The following PARD3B variants were observed in gnomAD, a reference collection of about 807,000 sequenced individuals.
PARD3B encodes par-3 family cell polarity regulator beta.
PARD3B carries 103 observed loss-of-function variants against 130.2 expected under a neutral mutation model. The ratio of observed to expected loss-of-function variants is 0.79; its 90% CI spans 0.67 to 0.93. The LOEUF (loss-of-function observed/expected upper bound fraction) is 0.93, where lower values mean the gene tolerates loss of function less well. Among genes scored for constraint, PARD3B ranks in the 40% least tolerant of loss-of-function variants. PARD3B has a pLI of 0.00. For synonymous variants in PARD3B, 583 were observed against 553.2 expected, an observed-to-expected ratio of 1.05 and a Z score of -0.76; for missense variants, 1,609 against 1,499.2, an observed-to-expected ratio of 1.07 and a Z score of -1.21.
At chr2:205,046,105 C>T (rs1424286232) in intron 3 of PARD3B, among the ~76,000 whole-genome samples, 1 of 151,940 alleles carries the variant, frequency 6.6e-6, no homozygotes, top group Non-Finnish European at 1.5e-5. Context: ...CTGACTTGTT[C>T]ATTTCATGTT....
rs181253408 is a variant in PARD3B, at chr2:204,954,860, A to G, written c.223-10292A>G. Reference sequence around the variant, plus strand: ...GATATAGTAAGATACTGTTTTTTCTATCAACCTATCAGTTCTTTATTTGTC... The same window carrying G: ...GATATAGTAAGATACTGTTTTTTCTGTCAACCTATCAGTTCTTTATTTGTC... On this transcript the variant is annotated intron_variant, in intron 2 of 22. Coordinates refer to ENST00000406610, the MANE Select transcript of PARD3B (RefSeq NM_001302769.2). 1.5e-4 allele frequency among the ~76,000 whole-genome samples: 23 copies of G among 152,354 alleles called. 1 individual carries two copies. The highest frequency in any genetic ancestry group is 7.2e-4 in the Admixed American group (11 of 15,302).
intron 18 of PARD3B, among the ~76,000 whole-genome samples, chr2:205,314,067 C>T (rs1039763418): frequency 2.1e-4 from 32 of 152,004 alleles, no homozygotes; most frequent in African/African-American, 5.6e-4. Flanking sequence ...TACATTGTTC[C>T]GTGTCCAGGT....
intron 2 of PARD3B, among the ~76,000 whole-genome samples, chr2:204,950,513 A>G (rs1343076706): frequency 6.6e-6 from 1 of 152,258 alleles, no homozygotes; most frequent in South Asian, 2.1e-4. Context: ...GGAGGAGGCC[A>G]GTGCTGAAAA....
At position 204,887,733 on chromosome 2, in the gene PARD3B, G is replaced by A. The variant is rs2046311944; in HGVS notation, c.223-77419G>A. Reference sequence around the variant, plus strand: ...TCACATCCCTTCCCTCAAGCAGAATGCAAGGTAACTGGAGACATAAAATGA... The same window carrying A: ...TCACATCCCTTCCCTCAAGCAGAATACAAGGTAACTGGAGACATAAAATGA... On this transcript the variant is annotated intron_variant, in intron 2 of 22. Transcript: ENST00000406610. The surrounding 1 kb of genome is among the most constrained non-coding windows in gnomAD (Gnocchi z 4.2). 6.6e-6 allele frequency among the ~76,000 whole-genome samples: 1 copy of A among 151,992 alleles called. No individual in the cohort carries two copies. Among genetic ancestry groups the A allele is most frequent in the African/African-American group, 2.4e-5 (1 of 41,368 alleles).
intron 2 of PARD3B, among the ~76,000 whole-genome samples, chr2:204,930,729 C>T (rs1253563024): frequency 2.0e-5 from 3 of 152,050 alleles, no homozygotes. Context: ...CTATATTCAT[C>T]TTTTTCTGAA....
intron 2 of PARD3B, among the ~76,000 whole-genome samples, chr2:204,765,276 GA>G (rs1197539663): frequency 6.6e-6 from 1 of 152,192 alleles, no homozygotes; most frequent in Non-Finnish European, 1.5e-5. Context: ...AAGACCTGCT[GA>G]ATCAGAAAGC....
intron 6 of PARD3B, among the ~76,000 whole-genome samples, chr2:205,117,580 T>TTTATGAG (rs1261470186): frequency 6.6e-6 from 1 of 152,234 alleles, no homozygotes; most frequent in Non-Finnish European, 1.5e-5. Context: ...ACCCTGTTAT[T>TTTATGAG]TACACATAAA....
intron 22 of PARD3B, among the ~76,000 whole-genome samples, chr2:205,600,694 C>G (rs1421502516): frequency 1.3e-5 from 2 of 152,136 alleles, no homozygotes; most frequent in Non-Finnish European, 2.9e-5. Context: ...GTGTTGTTCC[C>G]CTCTCTGTAT....
intron 2 of PARD3B, among the ~76,000 whole-genome samples, chr2:204,902,347 G>C (rs544265406): frequency 2.3e-4 from 35 of 151,914 alleles, no homozygotes; most frequent in African/African-American, 7.5e-4. Flanking sequence ...GATCGCTTCT[G>C]AATAGCTAGA....
At chr2:204,569,300 G>A (rs1193900947) in intron 1 of PARD3B, among the ~76,000 whole-genome samples, 2 of 152,060 alleles carry the variant, frequency 1.3e-5, no homozygotes, top group African/African-American at 2.4e-5. Context: ...TTTACAATAT[G>A]ACATCTTTTT....
chr2:205,363,199 A>C (rs945164273), intron 18 of PARD3B, among the ~76,000 whole-genome samples: 10 of 152,214 alleles, frequency 6.6e-5, no homozygotes, highest in Non-Finnish European at 1.3e-4. Flanking sequence ...ATGGGGCCCC[A>C]GAGACTAAGA....
chr2:204,921,289 G>T (rs2125751335), intron 2 of PARD3B, among the ~76,000 whole-genome samples: 1 of 152,266 alleles, frequency 6.6e-6, no homozygotes, highest in East Asian at 1.9e-4. Context: ...ATGTTGAAGA[G>T]TATCCCTGTC....
intron 22 of PARD3B, among the ~76,000 whole-genome samples, chr2:205,569,557 G>A (rs747724351): frequency 2.0e-5 from 3 of 152,132 alleles, no homozygotes; most frequent in Non-Finnish European, 2.9e-5. Context: ...AACTGACTGT[G>A]ATATTGTTAT....
At chr2:204,584,437 C>G (rs1574499683) in intron 1 of PARD3B, among the ~76,000 whole-genome samples, 1 of 152,062 alleles carries the variant, frequency 6.6e-6, no homozygotes, top group Admixed American at 6.6e-5. Context: ...CATACTAGAA[C>G]TAAAAATAAG....
intron 22 of PARD3B, among the ~76,000 whole-genome samples, chr2:205,577,188 T>TTG (rs1302708573): frequency 5.9e-5 from 9 of 152,150 alleles, no homozygotes; most frequent in African/African-American, 2.2e-4. Context: ...GGAGGGTTTT[T>TTG]TGTGTGTGTG....
chr2:204,746,970 T>G (rs1286316776), intron 2 of PARD3B, among the ~76,000 whole-genome samples: 1 of 152,202 alleles, frequency 6.6e-6, no homozygotes, highest in Non-Finnish European at 1.5e-5. Context: ...GTGCAGAAGC[T>G]CTTTAGTTTA....
In PARD3B at chr2:205,248,380, TTGG is replaced by T. The variant is rs751935440; in HGVS notation, c.2185+2592_2185+2594del. 1.1e-3 allele frequency among the ~76,000 whole-genome samples: 162 copies of T among 145,322 alleles called. 1 individual carries two copies. The highest frequency in any genetic ancestry group is 2.6e-3 in the African/African-American group (97 of 37,096). Reference sequence around the variant, plus strand: ...ACGTGAAGGGATATCTCATTGGGATTTGGTGGTGGTGGTGGTGGTGGTGGTGGT... The same window carrying T: ...ACGTGAAGGGATATCTCATTGGGATTTGGTGGTGGTGGTGGTGGTGGTGGT... On this transcript the variant is annotated intron_variant, in intron 16 of 22. Coordinates refer to ENST00000406610, the MANE Select transcript of PARD3B (RefSeq NM_001302769.2).
intron 2 of PARD3B, among the ~76,000 whole-genome samples, chr2:204,811,974 G>A (rs1325292365): frequency 5.9e-5 from 9 of 151,982 alleles, no homozygotes; most frequent in Middle Eastern, 3.4e-3. Context: ...AAAGTTCACC[G>A]GAATTAAAGT....
chr2:204,978,581 G>A (rs552353329), intron 3 of PARD3B, among the ~76,000 whole-genome samples: 10 of 152,022 alleles, frequency 6.6e-5, no homozygotes, highest in Admixed American at 4.6e-4. Context: ...CAACTTTATT[G>A]CTCAGTAAAG....
Sources: allele counts gnomAD v4.1 joint callset (sites outside exome capture counted in the v4.1 genomes callset), GRCh38; gene constraint gnomAD v4.1.1; non-coding constraint Gnocchi (gnomAD v3.1); transcripts MANE v1.5; gene names NCBI Gene and HGNC (gene_info 2026-07-23, HGNC 2026-07-21).